Variants in DRC10 observed in about 807,000 individuals in gnomAD.
DRC10 encodes the protein dynein regulatory complex subunit 10, also known as IQ domain-containing protein D.
chr12:113,201,855 C>CT, the DRC10 span, among the ~76,000 whole-genome samples: 4 of 152,252 alleles, frequency 2.6e-5, no homozygotes, highest in Non-Finnish European at 5.9e-5. Flanking sequence ...GCAGGCAAGG[C>CT]TTTAGGCACC....
At chr12:113,203,577 G>C in the DRC10 span, among the ~76,000 whole-genome samples, 1 of 150,402 alleles carries the variant, frequency 6.6e-6, no homozygotes, top group East Asian at 2.0e-4. Context: ...CTGGGTTCAA[G>C]CAATTCTTGT....
the DRC10 span, among the ~76,000 whole-genome samples, chr12:113,197,154 C>CCCAGTGTCAGAGTGT: frequency 6.6e-6 from 1 of 150,604 alleles, no homozygotes; most frequent in South Asian, 2.1e-4. Flanking sequence ...GATCATTAGG[C>CCCAGTGTCAGAGTGT]CCAGTGTCAG....
the DRC10 span, chr12:113,207,585 C>T: frequency 6.2e-7 from 1 of 1,614,020 alleles, no homozygotes; most frequent in Non-Finnish European, 8.5e-7. Flanking sequence ...GTTTTTCAAA[C>T]AGGAAACCAC....
the DRC10 span, among the ~76,000 whole-genome samples, chr12:113,204,649 G>A: frequency 1.3e-5 from 2 of 152,204 alleles, no homozygotes; most frequent in African/African-American, 4.8e-5. Flanking sequence ...GGCCAGGTGC[G>A]GTGGCTCACA....
the DRC10 span, chr12:113,207,053 C>T: frequency 2.8e-6 from 1 of 353,568 alleles, no homozygotes; most frequent in Non-Finnish European, 5.5e-6. Flanking sequence ...GAGTGAGACC[C>T]TGTCTCAAAA....
At chr12:113,212,226 C>T in the DRC10 span, among the ~76,000 whole-genome samples, 12 of 152,010 alleles carry the variant, frequency 7.9e-5, no homozygotes, top group East Asian at 1.9e-4. Flanking sequence ...TGCACCACCA[C>T]GCTAGCCTAA....
At chr12:113,198,228 TA>T in the DRC10 span, among the ~76,000 whole-genome samples, 2 of 149,216 alleles carry the variant, frequency 1.3e-5, no homozygotes, top group African/African-American at 4.9e-5. Context: ...AAATAAAAAT[TA>T]AAAAAAAAAT....
the DRC10 span, among the ~76,000 whole-genome samples, chr12:113,196,195 C>G: frequency 6.6e-6 from 1 of 152,130 alleles, no homozygotes; most frequent in African/African-American, 2.4e-5. Flanking sequence ...TTCGGGCCTT[C>G]GTTTTTCCTC....
chr12:113,197,996 C>T, the DRC10 span, among the ~76,000 whole-genome samples: 3 of 152,312 alleles, frequency 2.0e-5, no homozygotes, highest in South Asian at 4.1e-4. Flanking sequence ...GCAGGCGGGT[C>T]ACTTGAGGCC....
the DRC10 span, among the ~76,000 whole-genome samples, chr12:113,220,646 G>C: frequency 6.6e-6 from 1 of 152,182 alleles, no homozygotes; most frequent in Non-Finnish European, 1.5e-5. Context: ...ACGTATGGCC[G>C]TTGGGTGAAA....
the DRC10 span, chr12:113,203,205 C>T: frequency 6.2e-5 from 20 of 324,720 alleles, no homozygotes; most frequent in African/African-American, 3.9e-4. Flanking sequence ...TTGTCTTTTA[C>T]GTAGAGACAG....
the DRC10 span, chr12:113,200,801 T>C: frequency 4.4e-5 from 68 of 1,530,768 alleles, no homozygotes; most frequent in African/African-American, 8.9e-4. Flanking sequence ...ATCACAAAGT[T>C]CTCCTTTTCC....
the DRC10 span, chr12:113,208,053 A>G: frequency 3.7e-4 from 598 of 1,614,050 alleles, no homozygotes; most frequent in Non-Finnish European, 4.4e-4. Flanking sequence ...TCCTAGAGAG[A>G]ACCAAGGGTT....
chr12:113,214,415 A>T, the DRC10 span, among the ~76,000 whole-genome samples: 1 of 150,278 alleles, frequency 6.7e-6, no homozygotes, highest in Non-Finnish European at 1.5e-5. Context: ...CTGAGGCAGG[A>T]GAATCACTTG....
the DRC10 span, among the ~76,000 whole-genome samples, chr12:113,217,382 A>G: frequency 1.3e-5 from 2 of 151,990 alleles, no homozygotes; most frequent in African/African-American, 2.4e-5. Flanking sequence ...AAATTCACCC[A>G]TTGTAAGTGT....
chr12:113,205,537 C>A, the DRC10 span, among the ~76,000 whole-genome samples: 1 of 152,122 alleles, frequency 6.6e-6, no homozygotes, highest in Non-Finnish European at 1.5e-5. Flanking sequence ...AGTAACCTCT[C>A]TTAGAACCAA....
chr12:113,197,659 T>C, the DRC10 span: 1 of 1,196,716 alleles, frequency 8.4e-7, no homozygotes, highest in Admixed American at 2.0e-5. Flanking sequence ...ATATTAACAA[T>C]CAACAGCACT....
the DRC10 span, among the ~76,000 whole-genome samples, chr12:113,208,754 T>A: frequency 6.6e-6 from 1 of 152,074 alleles, no homozygotes; most frequent in Non-Finnish European, 1.5e-5. Flanking sequence ...AGAAATACCC[T>A]GGTTTCTTTC....
chr12:113,200,252 G>A, the DRC10 span: 38 of 463,748 alleles, frequency 8.2e-5, no homozygotes, highest in Admixed American at 1.2e-4. Flanking sequence ...AGCCTCTGAC[G>A]ATGTGGGTAT....
Sources: allele counts gnomAD v4.1 joint callset (sites outside exome capture counted in the v4.1 genomes callset), GRCh38; gene constraint gnomAD v4.1.1; transcripts MANE v1.5; gene names NCBI Gene and HGNC (gene_info 2026-07-23, HGNC 2026-07-21).